The following NKAIN2 variants were observed in gnomAD, a reference collection of about 807,000 sequenced individuals.
NKAIN2 encodes the protein sodium/potassium transporting ATPase interacting 2.
A neutral mutation model predicts 32.6 loss-of-function variants in NKAIN2; 14 were observed. That is an observed-to-expected ratio of 0.43 (90% CI 0.28 to 0.67). The LOEUF is 0.67. NKAIN2 is among the 30% of genes least tolerant of loss of function. NKAIN2 has a pLI of 0.17. For missense variants in NKAIN2, 198 were observed against 258.3 expected (o/e 0.77, Z 1.60); for synonymous variants, 80 against 87.2 (o/e 0.92, Z 0.46).
intron 1 of NKAIN2, among the ~76,000 whole-genome samples, chr6:123,862,005 T>C (rs1775803785): frequency 6.6e-6 from 1 of 152,204 alleles, no homozygotes; most frequent in Non-Finnish European, 1.5e-5. Context: ...ATGAAAAATA[T>C]ATTTTCGTTA....
At chr6:124,522,148 T>C (rs1360815938) in intron 3 of NKAIN2, among the ~76,000 whole-genome samples, 39 of 152,194 alleles carry the variant, frequency 2.6e-4, no homozygotes, top group Admixed American at 2.6e-3. Context: ...CTATAATCTA[T>C]TAAATAAAAT....
intron 1 of NKAIN2, among the ~76,000 whole-genome samples, chr6:123,862,345 T>A (rs1430062342): frequency 6.6e-6 from 1 of 152,146 alleles, no homozygotes; most frequent in Non-Finnish European, 1.5e-5. Context: ...TTTGACTCTA[T>A]CTTAGTTTTA....
At chr6:124,267,643 A>G (rs993241881) in intron 1 of NKAIN2, among the ~76,000 whole-genome samples, 1 of 152,216 alleles carries the variant, frequency 6.6e-6, no homozygotes, top group Non-Finnish European at 1.5e-5. Flanking sequence ...CACAATAAAG[A>G]TACAATAAAC....
rs146209986 is a variant in NKAIN2, at chr6:124,285,398, C to A, written c.192+2256C>A. Among the ~76,000 whole-genome samples, 815 of 152,128 alleles carry A rather than the reference C, an allele frequency of 5.4e-3. 8 individuals are homozygous for A. The highest frequency in any genetic ancestry group is 0.017 in the African/African-American group (707 of 41,502). On this transcript the variant is annotated intron_variant, in intron 2 of 6. Coordinates refer to ENST00000368417, the MANE Select transcript of NKAIN2 (RefSeq NM_001040214.3). ...TTGCTTGGAAATCCCCTTAACCAGA[C>A]CCATAAACTCATAGGCATATTTTCT... is the stretch of plus-strand genomic sequence containing the variant.
Position 124,791,343 on chromosome 6 carries a change from C to G in NKAIN2, c.479C>G (p.Ala160Gly), listed in dbSNP as rs755923952. The G allele has an allele frequency of 3.7e-6, 6 of 1,607,636 alleles. No individual in the cohort carries two copies. In the South Asian group the frequency reaches 5.5e-5, roughly 15 times the overall value. ...AGCATCTCTGTTTTGTTTCAGCTGG[C>G]AGGTTTCATCTACGCCTGTTATGTT... ...HSSLQIVLAL[A>G]GFIYACYVVK... Residue 160 changes from alanine to glycine, a missense_variant, in exon 5 of 7, where the codon GCA becomes GGA. By Grantham distance (60) the Ala-to-Gly change is moderately conservative. Coordinates refer to ENST00000368417, the MANE Select transcript of NKAIN2 (RefSeq NM_001040214.3).
In NKAIN2 at chr6:123,971,013, CATTT is replaced by C. The variant is rs561370385; in HGVS notation, c.54+166764_54+166767del. On this transcript the variant is annotated intron_variant, in intron 1 of 6. Coordinates refer to ENST00000368417, the MANE Select transcript of NKAIN2 (RefSeq NM_001040214.3). Reference sequence around the variant, plus strand: ...GGTCCTGTAAAACATCAAAATTGTTCATTTATTTGATTTATATTTATTGAAAGCT... The same window carrying C: ...GGTCCTGTAAAACATCAAAATTGTTCATTTGATTTATATTTATTGAAAGCT... 1.3e-4 allele frequency among the ~76,000 whole-genome samples: 20 copies of C among 152,158 alleles called. No individual in the cohort carries two copies. The South Asian group carries it at 1.9e-3, about 14-fold the overall frequency.
chr6:124,476,031 T>TGA (rs1044710189), intron 3 of NKAIN2, among the ~76,000 whole-genome samples: 1 of 149,092 alleles, frequency 6.7e-6, no homozygotes, highest in Non-Finnish European at 1.5e-5. Context: ...TGTGTGTGTG[T>TGA]GAGAGAGTGT....
At chr6:124,279,848 T>C (rs1202564243) in intron 1 of NKAIN2, among the ~76,000 whole-genome samples, 2 of 152,098 alleles carry the variant, frequency 1.3e-5, no homozygotes, top group Non-Finnish European at 2.9e-5. Context: ...ATTATCTCAA[T>C]AGATGCAGAA....
intron 1 of NKAIN2, among the ~76,000 whole-genome samples, chr6:124,201,043 A>T (rs1226141133): frequency 6.6e-6 from 1 of 152,086 alleles, no homozygotes; most frequent in African/African-American, 2.4e-5. Flanking sequence ...GAAAAGACCT[A>T]GGAATTTTAA....
intron 2 of NKAIN2, among the ~76,000 whole-genome samples, chr6:124,343,119 A>G (rs896193016): frequency 6.6e-6 from 1 of 151,600 alleles, no homozygotes; most frequent in African/African-American, 2.4e-5. Flanking sequence ...ACTGAGAATG[A>G]TGGTTTCCAG....
At chr6:124,338,048 A>G (rs529908233) in intron 2 of NKAIN2, among the ~76,000 whole-genome samples, 13 of 152,312 alleles carry the variant, frequency 8.5e-5, no homozygotes, top group Middle Eastern at 3.4e-3. Context: ...ATGGTTAATA[A>G]TGCTTCTGTT....
intron 3 of NKAIN2, among the ~76,000 whole-genome samples, chr6:124,375,681 A>G (rs1480138433): frequency 2.0e-5 from 3 of 151,992 alleles, no homozygotes; most frequent in Non-Finnish European, 4.4e-5. Context: ...GGTGCTCCCC[A>G]TTCAGCTGAA....
chr6:123,825,390 A>G (rs1774105323), intron 1 of NKAIN2, among the ~76,000 whole-genome samples: 1 of 152,158 alleles, frequency 6.6e-6, no homozygotes, highest in South Asian at 2.1e-4. Context: ...AGTTGTTGAT[A>G]CTAGTTAATT....
intron 1 of NKAIN2, among the ~76,000 whole-genome samples, chr6:124,108,224 A>C (rs909990559): frequency 6.6e-6 from 1 of 152,070 alleles, no homozygotes; most frequent in Non-Finnish European, 1.5e-5. Context: ...TAATAGGTAC[A>C]AGGTAATATA....
At chr6:123,986,668 G>A (rs1018756746) in intron 1 of NKAIN2, among the ~76,000 whole-genome samples, 6 of 152,076 alleles carry the variant, frequency 3.9e-5, no homozygotes, top group African/African-American at 1.2e-4. Context: ...TAGGACCCAG[G>A]CATTAAATAT....
chr6:124,617,385 G>T (rs1406522440), intron 3 of NKAIN2, among the ~76,000 whole-genome samples: 3 of 152,024 alleles, frequency 2.0e-5, no homozygotes, highest in Non-Finnish European at 2.9e-5. Context: ...TCTCATGCTT[G>T]CCCATGACAA....
chr6:124,712,854 A>G (rs891723822), intron 4 of NKAIN2, among the ~76,000 whole-genome samples: 1 of 152,050 alleles, frequency 6.6e-6, no homozygotes, highest in African/African-American at 2.4e-5. Flanking sequence ...GTTTTATTTT[A>G]AGAAGCTCTA....
At chr6:123,827,901 A>T (rs576035932) in intron 1 of NKAIN2, among the ~76,000 whole-genome samples, 1 of 151,878 alleles carries the variant, frequency 6.6e-6, no homozygotes, top group Non-Finnish European at 1.5e-5. Context: ...CTCTCTATAT[A>T]TATATATGTC....
chr6:124,256,593 A>C (rs966022268), intron 1 of NKAIN2, among the ~76,000 whole-genome samples: 2 of 152,224 alleles, frequency 1.3e-5, no homozygotes, highest in Non-Finnish European at 2.9e-5. Context: ...TTAAGAGTAG[A>C]TAAGTCTTGG....
Sources: allele counts gnomAD v4.1 joint callset (sites outside exome capture counted in the v4.1 genomes callset), GRCh38; gene constraint gnomAD v4.1.1; transcripts MANE v1.5; gene names NCBI Gene and HGNC (gene_info 2026-07-23, HGNC 2026-07-21).